The following TRAPPC9 variants were observed in gnomAD, a reference collection of about 807,000 sequenced individuals.
The protein encoded by TRAPPC9 is trafficking protein particle complex subunit 9, also known as IKK2 binding protein.
In TRAPPC9, 83 loss-of-function variants were observed where a neutral mutation model predicts 124.0. That is an observed-to-expected ratio of 0.67 (90% CI 0.56 to 0.80). TRAPPC9 has a LOEUF of 0.80. TRAPPC9 is among the 30% of genes least tolerant of loss of function. The pLI is 0.00. For synonymous variants in TRAPPC9, 638 were observed against 617.5 expected, an observed-to-expected ratio of 1.03 and a Z score of -0.49; for missense variants, 1,302 against 1,508.3, an observed-to-expected ratio of 0.86 and a Z score of 2.27.
chr8:140,090,686 C>A (rs1273490790), intron 17 of TRAPPC9, among the ~76,000 whole-genome samples: 1 of 152,230 alleles, frequency 6.6e-6, no homozygotes, highest in African/African-American at 2.4e-5. Flanking sequence ...GTGTACCCAT[C>A]CCTGCTTTCA....
intron 19 of TRAPPC9, among the ~76,000 whole-genome samples, chr8:139,928,356 G>A (rs1268365377): frequency 3.9e-5 from 6 of 152,298 alleles, no homozygotes; most frequent in Middle Eastern, 3.4e-3. Flanking sequence ...GCTGGGTGTG[G>A]TGGTGGGTGC....
chr8:140,030,458 C>T (rs183445870), intron 17 of TRAPPC9, among the ~76,000 whole-genome samples: 78 of 152,264 alleles, frequency 5.1e-4, no homozygotes, highest in Middle Eastern at 3.4e-3. Context: ...CTAGGTAAAT[C>T]CTCCTACGCT....
intron 19 of TRAPPC9, among the ~76,000 whole-genome samples, chr8:139,965,325 T>G (rs1055869061): frequency 6.6e-5 from 10 of 152,224 alleles, no homozygotes; most frequent in Non-Finnish European, 1.2e-4. Flanking sequence ...TCTCCCCGCA[T>G]GACAATCCTT....
At chr8:140,246,498 TACTTA>T (rs1312002078) in intron 16 of TRAPPC9, among the ~76,000 whole-genome samples, 3 of 152,052 alleles carry the variant, frequency 2.0e-5, no homozygotes, top group Admixed American at 6.5e-5. Context: ...ACAAGGTTTT[TACTTA>T]ACTTCATATC....
intron 17 of TRAPPC9, among the ~76,000 whole-genome samples, chr8:140,183,864 AGAAG>A (rs1208935237): frequency 5.5e-4 from 11 of 20,066 alleles, no homozygotes; most frequent in Admixed American, 1.3e-3. Context: ...AAAAAAAAAA[AGAAG>A]AAGAAGAAGA....
intron 9 of TRAPPC9, among the ~76,000 whole-genome samples, chr8:140,335,705 A>ATTTTTTTT (rs10622473): frequency 7.6e-6 from 1 of 131,690 alleles, no homozygotes; most frequent in Non-Finnish European, 1.6e-5. Context: ...AGTCTTCACA[A>ATTTTTTTT]TTTTTTTTTT....
intron 21 of TRAPPC9, among the ~76,000 whole-genome samples, chr8:139,789,663 C>T (rs1822518341): frequency 6.6e-6 from 1 of 152,198 alleles, no homozygotes; most frequent in African/African-American, 2.4e-5. Context: ...TCCACATGTT[C>T]CTGGCTCTTT....
intron 17 of TRAPPC9, among the ~76,000 whole-genome samples, chr8:140,094,330 T>C (rs1844782401): frequency 6.6e-6 from 1 of 152,146 alleles, no homozygotes; most frequent in African/African-American, 2.4e-5. Context: ...ATGCTTGGGT[T>C]TCCAGTAACA....
At chr8:140,259,465 C>A (rs1057434947) in intron 15 of TRAPPC9, among the ~76,000 whole-genome samples, 2 of 152,202 alleles carry the variant, frequency 1.3e-5, no homozygotes, top group African/African-American at 4.8e-5. Context: ...AGCTTCAGGA[C>A]AAAGGGCCCT....
At chr8:140,418,867 G>A (rs1453399886) in intron 5 of TRAPPC9, among the ~76,000 whole-genome samples, 1 of 152,128 alleles carries the variant, frequency 6.6e-6, no homozygotes, top group Non-Finnish European at 1.5e-5. Context: ...TGATCAAGTG[G>A]GATTCAGCTC....
intron 17 of TRAPPC9, among the ~76,000 whole-genome samples, chr8:140,145,544 C>T (rs1036513973): frequency 5.3e-5 from 8 of 152,166 alleles, no homozygotes; most frequent in African/African-American, 1.9e-4. Context: ...ATTATTTTTT[C>T]CTCAATCAAT....
chr8:140,357,146 G>T (rs2067777120), intron 9 of TRAPPC9, among the ~76,000 whole-genome samples: 3 of 152,178 alleles, frequency 2.0e-5, no homozygotes, highest in South Asian at 4.1e-4. Context: ...GACAAGTGCA[G>T]GAAGAAAGAG....
At chr8:140,376,247 T>C (rs1174980791) in intron 7 of TRAPPC9, among the ~76,000 whole-genome samples, 2 of 152,202 alleles carry the variant, frequency 1.3e-5, no homozygotes, top group East Asian at 1.9e-4. Flanking sequence ...GTAGAGGAGA[T>C]AGGTCCATAA....
At chr8:140,010,781 A>T (rs936847132) in intron 18 of TRAPPC9, among the ~76,000 whole-genome samples, 1 of 152,226 alleles carries the variant, frequency 6.6e-6, no homozygotes, top group African/African-American at 2.4e-5. Context: ...AATTTTTAGA[A>T]TTTATATTAC....
At chr8:140,070,219 G>T (rs1326038201) in intron 17 of TRAPPC9, among the ~76,000 whole-genome samples, 3 of 152,162 alleles carry the variant, frequency 2.0e-5, no homozygotes, top group Non-Finnish European at 2.9e-5. Flanking sequence ...CACTTGGAAG[G>T]GCATCTTCAC....
intron 17 of TRAPPC9, among the ~76,000 whole-genome samples, chr8:140,165,305 T>C (rs1158767744): frequency 1.3e-5 from 2 of 151,520 alleles, no homozygotes; most frequent in South Asian, 2.1e-4. Context: ...CGCACCACTA[T>C]ACTCCAGCCT....
At chr8:139,860,955 G>A (rs1828099130) in intron 21 of TRAPPC9, among the ~76,000 whole-genome samples, 1 of 152,248 alleles carries the variant, frequency 6.6e-6, no homozygotes, top group Non-Finnish European at 1.5e-5. Context: ...CCTGGGAGCT[G>A]TGGCTGCCGG....
intron 19 of TRAPPC9, among the ~76,000 whole-genome samples, chr8:139,980,183 G>A (rs946891883): frequency 5.9e-5 from 9 of 152,052 alleles, no homozygotes; most frequent in Non-Finnish European, 8.8e-5. Context: ...CCCTGCAGCC[G>A]CCCCATAACT....
At chr8:139,972,869 T>A (rs1462900154) in intron 19 of TRAPPC9, among the ~76,000 whole-genome samples, 1 of 152,144 alleles carries the variant, frequency 6.6e-6, no homozygotes, top group African/African-American at 2.4e-5. Flanking sequence ...AGGTCGGAGT[T>A]CCAGTTCCCC....
Sources: gnomAD v4.1 joint callset for allele counts (sites outside exome capture counted in the v4.1 genomes callset) on GRCh38, gnomAD v4.1.1 for gene constraint, MANE v1.5 for transcripts, NCBI Gene and HGNC (gene_info 2026-07-23, HGNC 2026-07-21) for gene names.